Variants in BCAR3 observed in about 807,000 individuals in gnomAD.
The protein encoded by BCAR3 is BCAR3 adaptor protein, NSP family member.
BCAR3 carries 37 observed loss-of-function variants against 80.1 expected under a neutral mutation model. That is an observed-to-expected ratio of 0.46 (90% CI 0.36 to 0.61). BCAR3 has a LOEUF of 0.61. Among genes scored for constraint, BCAR3 ranks in the 20% least tolerant of loss-of-function variants. The pLI is 0.00. For missense variants in BCAR3, 978 were observed against 1,068.2 expected, an observed-to-expected ratio of 0.92 and a Z score of 1.18; for synonymous variants, 389 against 418.9, an observed-to-expected ratio of 0.93 and a Z score of 0.87.
intron 3 of BCAR3, among the ~76,000 whole-genome samples, chr1:93,640,618 G>A (rs1171870508): frequency 6.6e-6 from 1 of 152,152 alleles, no homozygotes; most frequent in Admixed American, 6.5e-5. Context: ...CAGATAAACA[G>A]AAGCCACTGA....
At chr1:93,631,253 A>G (rs1355296757) in intron 3 of BCAR3, among the ~76,000 whole-genome samples, 2 of 152,216 alleles carry the variant, frequency 1.3e-5, no homozygotes, top group African/African-American at 4.8e-5. Context: ...TAAGGACACC[A>G]GTCAGTGGAT....
intron 2 of BCAR3, among the ~76,000 whole-genome samples, chr1:93,747,314 T>A (rs1272725939): frequency 2.0e-5 from 3 of 147,872 alleles, no homozygotes; most frequent in Non-Finnish European, 4.4e-5. Flanking sequence ...TGCTGCTATG[T>A]CCAGGTTCTA....
chr1:93,728,732 C>T (rs1233656956), intron 2 of BCAR3, among the ~76,000 whole-genome samples: 2 of 152,182 alleles, frequency 1.3e-5, no homozygotes, highest in African/African-American at 2.4e-5. Flanking sequence ...ATACTTCCCT[C>T]GACGTCCTCT....
At chr1:93,677,802 G>T (rs191940638) in intron 1 of BCAR3, among the ~76,000 whole-genome samples, 14 of 152,270 alleles carry the variant, frequency 9.2e-5, no homozygotes. Context: ...CTAAGAGGAG[G>T]TTAGATACTG....
chr1:93,718,240 A>C (rs1650257697), intron 2 of BCAR3, among the ~76,000 whole-genome samples: 1 of 152,220 alleles, frequency 6.6e-6, no homozygotes, highest in Admixed American at 6.5e-5. Context: ...GAATTTGGGC[A>C]GGTAGAAAAT....
At chr1:93,703,623 A>G (rs1189471831) in intron 3 of BCAR3, among the ~76,000 whole-genome samples, 1 of 152,020 alleles carries the variant, frequency 6.6e-6, no homozygotes, top group South Asian at 2.1e-4. Context: ...ATATACACAT[A>G]TAATGATAAT....
intron 11 of BCAR3, among the ~76,000 whole-genome samples, chr1:93,564,290 C>CTTTTTT (rs35780346): frequency 1.9e-4 from 20 of 103,640 alleles, no homozygotes; most frequent in African/African-American, 3.5e-4. Context: ...TTCTTTCTTT[C>CTTTTTT]TTTTTTTTTT....
intron 2 of BCAR3, among the ~76,000 whole-genome samples, chr1:93,828,342 T>C (rs994078770): frequency 6.6e-6 from 1 of 152,118 alleles, no homozygotes; most frequent in Non-Finnish European, 1.5e-5. Context: ...CCAAGGCAAG[T>C]CATAGAAACT....
intron 3 of BCAR3, among the ~76,000 whole-genome samples, chr1:93,624,571 C>T (rs544651416): frequency 2.0e-5 from 3 of 152,182 alleles, no homozygotes; most frequent in Non-Finnish European, 2.9e-5. Flanking sequence ...TGACTGGTGC[C>T]CTTGTCTGTT....
At chr1:93,703,066 T>C (rs968288971) in intron 3 of BCAR3, among the ~76,000 whole-genome samples, 2 of 152,178 alleles carry the variant, frequency 1.3e-5, no homozygotes, top group African/African-American at 2.4e-5. Flanking sequence ...CCTGCTTTAC[T>C]TAACTCAAAG....
At chr1:93,748,892 T>C (rs988534156) in intron 2 of BCAR3, among the ~76,000 whole-genome samples, 4 of 152,210 alleles carry the variant, frequency 2.6e-5, no homozygotes, top group African/African-American at 4.8e-5. Flanking sequence ...ATGCTTCTTT[T>C]AGCTCCCAGA....
intron 2 of BCAR3, among the ~76,000 whole-genome samples, chr1:93,828,296 C>A (rs1414941293): frequency 6.6e-6 from 1 of 152,168 alleles, no homozygotes; most frequent in Non-Finnish European, 1.5e-5. Context: ...CAGAGCAAGA[C>A]CTTGTCTCTT....
chr1:93,575,130 G>A (rs1005292586), intron 8 of BCAR3, among the ~76,000 whole-genome samples: 6 of 152,026 alleles, frequency 3.9e-5, no homozygotes, highest in Non-Finnish European at 7.3e-5. Flanking sequence ...TCAGGTGCCC[G>A]AGAGTGACAT....
Position 93,567,184 on chromosome 1 carries a change from G to T in BCAR3, c.2299+95C>A. Reference sequence around the variant, plus strand: ...TTCCATTCTTTAATCCTTCCTTTTTGGTCTTTTTCTAAGTGAAGTCAGCCA... The same window carrying T: ...TTCCATTCTTTAATCCTTCCTTTTTTGTCTTTTTCTAAGTGAAGTCAGCCA... On this transcript the variant is annotated intron_variant, in intron 11 of 11. Transcript: ENST00000260502. 1.8e-5 allele frequency: 25 copies of T among 1,403,656 alleles called. No homozygotes were observed. The Admixed American group carries it at 2.2e-4, about 12-fold the overall frequency. 87.0% of individuals were successfully genotyped at this position (1,403,656 alleles called of 1,614,324 possible).
intron 7 of BCAR3, among the ~76,000 whole-genome samples, chr1:93,579,807 A>G (rs1222518679): frequency 6.6e-6 from 1 of 152,248 alleles, no homozygotes; most frequent in Non-Finnish European, 1.5e-5. Flanking sequence ...ATACCAGGCC[A>G]GAGTCTCCCT....
chr1:93,589,477 A>G, intron 4 of BCAR3, 58 bp from the exon 5 acceptor site: 1 of 1,437,310 alleles, frequency 7.0e-7, no homozygotes, highest in Non-Finnish European at 9.5e-7. Context: ...TCCTTCTAAA[A>G]GCTTATGGCT....
chr1:93,581,066 G>A (rs1570927388), intron 7 of BCAR3, among the ~76,000 whole-genome samples: 1 of 152,162 alleles, frequency 6.6e-6, no homozygotes, highest in Non-Finnish European at 1.5e-5. Flanking sequence ...GGAGGCTGAG[G>A]TGGGAGGATC....
chr1:93,740,626 T>C (rs374743112), intron 2 of BCAR3, among the ~76,000 whole-genome samples: 3 of 152,124 alleles, frequency 2.0e-5, no homozygotes, highest in Admixed American at 6.5e-5. Context: ...CCCCACATGC[T>C]GGCCCCTGCT....
At chr1:93,670,351 A>G (rs376571662) in intron 2 of BCAR3, among the ~76,000 whole-genome samples, 2 of 152,282 alleles carry the variant, frequency 1.3e-5, no homozygotes, top group African/African-American at 4.8e-5. Context: ...AGATACAGTC[A>G]CCAAAAGAGA....
Sources: gnomAD v4.1 joint callset for allele counts (sites outside exome capture counted in the v4.1 genomes callset) on GRCh38, gnomAD v4.1.1 for gene constraint, MANE v1.5 for transcripts, NCBI Gene and HGNC (gene_info 2026-07-23, HGNC 2026-07-21) for gene names.